The following ACVR1 variants were observed in gnomAD, a reference collection of about 807,000 sequenced individuals.
ACVR1 encodes activin receptor type-1.
ACVR1 carries 38 observed loss-of-function variants against 57.1 expected under a neutral mutation model. That is an observed-to-expected ratio of 0.67 (90% confidence interval 0.51 to 0.87). The LOEUF (loss-of-function observed/expected upper bound fraction) is 0.87, where lower values mean the gene tolerates loss of function less well. Ranked by LOEUF, ACVR1 falls within the 40% of genes least tolerant of loss-of-function variation. The probability of loss-of-function intolerance (pLI) is 0.00; values close to 1 mark genes in which losing one functional copy is unlikely to be tolerated. For synonymous variants in ACVR1, 212 were observed against 228.1 expected, an observed-to-expected ratio of 0.93 and a Z score of 0.63; for missense variants, 463 against 638.2, an observed-to-expected ratio of 0.73 and a Z score of 2.96.
At chr2:157,873,418 G>A (rs1429949090) in intron 1 of ACVR1, among the ~76,000 whole-genome samples, 3 of 152,152 alleles carry the variant, frequency 2.0e-5, no homozygotes, top group Admixed American at 1.3e-4. Flanking sequence ...TGTCATTAAA[G>A]CCACCCAAAC....
At chr2:157,816,553 C>T (rs1437505764) in intron 2 of ACVR1, among the ~76,000 whole-genome samples, 1 of 151,986 alleles carries the variant, frequency 6.6e-6, no homozygotes, top group Non-Finnish European at 1.5e-5. Context: ...GCCATGATTG[C>T]ATCACTGCTC....
chr2:157,827,748 C>T (rs149228326), intron 1 of ACVR1, among the ~76,000 whole-genome samples: 47 of 152,238 alleles, frequency 3.1e-4, no homozygotes, highest in African/African-American at 1.1e-3. Context: ...TCTATCGTCT[C>T]TATGGGACTG....
chr2:157,798,957 C>T (rs574125618), intron 3 of ACVR1, among the ~76,000 whole-genome samples: 15 of 151,290 alleles, frequency 9.9e-5, no homozygotes, highest in African/African-American at 3.4e-4. Context: ...AGTTCAATGT[C>T]GTGATCTTGG....
chr2:157,870,043 C>T (rs12479151), intron 1 of ACVR1, among the ~76,000 whole-genome samples: 98,393 of 152,164 alleles, frequency 0.65, 35,896 homozygotes, highest in Non-Finnish European at 0.81. Context: ...GCGTAGCCAA[C>T]ACTCATCAAT....
At chr2:157,786,323 C>T (rs944090219) in intron 3 of ACVR1, among the ~76,000 whole-genome samples, 4 of 152,164 alleles carry the variant, frequency 2.6e-5, no homozygotes, top group East Asian at 1.9e-4. Flanking sequence ...CCCACAACAG[C>T]GTCAGTGGTT....
chr2:157,739,281 G>C (rs1410064056), intron 9 of ACVR1, among the ~76,000 whole-genome samples: 1 of 152,180 alleles, frequency 6.6e-6, no homozygotes, highest in African/African-American at 2.4e-5. Context: ...TGGGAAGGCA[G>C]AGGAAAAGAA....
At chr2:157,873,642 C>A (rs2105392518) in intron 1 of ACVR1, among the ~76,000 whole-genome samples, 1 of 152,196 alleles carries the variant, frequency 6.6e-6, no homozygotes, top group Non-Finnish European at 1.5e-5. Flanking sequence ...CTGTCCTGTC[C>A]CCCCTCCCTC....
At chr2:157,859,322 A>C (rs941506179) in intron 1 of ACVR1, among the ~76,000 whole-genome samples, 4 of 152,232 alleles carry the variant, frequency 2.6e-5, no homozygotes, top group Non-Finnish European at 5.9e-5. Flanking sequence ...CGGCAATGTC[A>C]GGAAGTTATC....
chr2:157,769,643 G>A (rs1460216976), intron 7 of ACVR1, among the ~76,000 whole-genome samples: 1 of 152,160 alleles, frequency 6.6e-6, no homozygotes, highest in Non-Finnish European at 1.5e-5. Context: ...ATAGCCATAA[G>A]GTGGCCAACA....
intron 2 of ACVR1, among the ~76,000 whole-genome samples, chr2:157,805,086 A>G (rs1278401017): frequency 6.6e-6 from 1 of 152,216 alleles, no homozygotes; most frequent in Non-Finnish European, 1.5e-5. Context: ...TTCAGAACCC[A>G]TATCAGGCAA....
At chr2:157,804,580 G>C (rs1016719957) in intron 2 of ACVR1, among the ~76,000 whole-genome samples, 1 of 152,132 alleles carries the variant, frequency 6.6e-6, no homozygotes, top group Non-Finnish European at 1.5e-5. Context: ...GTATGAATCC[G>C]TGCCTCTCGT....
intron 1 of ACVR1, among the ~76,000 whole-genome samples, chr2:157,856,460 CA>C (rs1443092808): frequency 6.6e-6 from 1 of 152,176 alleles, no homozygotes; most frequent in Non-Finnish European, 1.5e-5. Flanking sequence ...AAGATCATTA[CA>C]AAAAATTAAA....
At chr2:157,840,521 CAA>C (rs35727491) in intron 1 of ACVR1, among the ~76,000 whole-genome samples, 4,025 of 152,326 alleles carry the variant, frequency 0.026, 66 homozygotes, top group South Asian at 0.065. Context: ...GCTAAAAGTG[CAA>C]AGTGTCACCT....
intron 8 of ACVR1, among the ~76,000 whole-genome samples, chr2:157,765,230 C>T (rs1490983406): frequency 6.6e-6 from 1 of 152,160 alleles, no homozygotes; most frequent in African/African-American, 2.4e-5. Flanking sequence ...AATGAGCTAT[C>T]CTAACAGGGA....
intron 2 of ACVR1, among the ~76,000 whole-genome samples, chr2:157,807,384 G>A (rs1687584806): frequency 6.6e-6 from 1 of 152,078 alleles, no homozygotes; most frequent in African/African-American, 2.4e-5. Context: ...ATTTCACCAG[G>A]CTTGACTATA....
intron 1 of ACVR1, among the ~76,000 whole-genome samples, chr2:157,830,008 C>A (rs963210405): frequency 6.6e-6 from 1 of 152,176 alleles, no homozygotes; most frequent in Non-Finnish European, 1.5e-5. Flanking sequence ...CACCTGAAGT[C>A]AGGAGTTCGA....
intron 9 of ACVR1, among the ~76,000 whole-genome samples, chr2:157,742,739 A>G (rs1684826253): frequency 6.6e-6 from 1 of 152,142 alleles, no homozygotes; most frequent in South Asian, 2.1e-4. Flanking sequence ...CACTTTGAAA[A>G]GCATGAAACG....
chr2:157,834,619 T>C (rs1039923611), intron 1 of ACVR1, among the ~76,000 whole-genome samples: 2 of 152,212 alleles, frequency 1.3e-5, no homozygotes, highest in Non-Finnish European at 2.9e-5. Context: ...AAATACAGTA[T>C]GAATTCATGC....
Position 157,802,043 on chromosome 2 carries a change from A to G in ACVR1, c.-7-2543T>C, listed in dbSNP as rs114990424. 2.9e-3 allele frequency among the ~76,000 whole-genome samples: 444 copies of G among 152,336 alleles called. 1 individual carries two copies. The highest frequency in any genetic ancestry group is 4.7e-3 in the Non-Finnish European group (320 of 68,034). On this transcript the variant is annotated intron_variant, in intron 2 of 10. Coordinates refer to ENST00000434821, the MANE Select transcript of ACVR1 (RefSeq NM_001111067.4). ...CCAAGATTCCATAATTAAAAACTGA[A>G]TAAGAGTTGGGAAGAAACATAGTTA...
Sources: allele counts gnomAD v4.1 joint callset (sites outside exome capture counted in the v4.1 genomes callset), GRCh38; gene constraint gnomAD v4.1.1; transcripts MANE v1.5; gene names NCBI Gene and HGNC (gene_info 2026-07-23, HGNC 2026-07-21).